CALB2: variants seen among roughly 807,000 people sequenced by gnomAD.
CALB2 encodes calbindin 2.
CALB2 carries 34 observed loss-of-function variants against 45.9 expected under a neutral mutation model. That is an observed-to-expected ratio of 0.74 (90% CI 0.56 to 0.99). The LOEUF (loss-of-function observed/expected upper bound fraction) is 0.99, where lower values mean the gene tolerates loss of function less well. Ranked by LOEUF, CALB2 falls within the 50% of genes least tolerant of loss-of-function variation. The pLI, the probability that CALB2 is intolerant of heterozygous loss-of-function variation, is 0.00. For missense variants in CALB2, 344 were observed against 339.3 expected, an observed-to-expected ratio of 1.01 and a Z score of -0.11; for synonymous variants, 142 against 129.6, an observed-to-expected ratio of 1.10 and a Z score of -0.65.
At chr16:71,384,286 C>T (rs2042537548) in intron 7 of CALB2, 53 bp from the exon 8 acceptor site, 1 of 1,476,658 alleles carries the variant, frequency 6.8e-7, no homozygotes, top group Non-Finnish European at 9.5e-7. Flanking sequence ...CCCTCTCCCG[C>T]TTGCCCTTGC....
chr16:71,378,224 CAAAAA>C (rs957251212), intron 4 of CALB2, among the ~76,000 whole-genome samples: 2 of 151,058 alleles, frequency 1.3e-5, no homozygotes, highest in African/African-American at 4.9e-5. Flanking sequence ...GACTCCGTCT[CAAAAA>C]AAGAAAGAAA....
chr16:71,359,092 G>A (rs2043948464), intron 1 of CALB2, among the ~76,000 whole-genome samples: 1 of 152,150 alleles, frequency 6.6e-6, no homozygotes, highest in Admixed American at 6.5e-5. Context: ...CCCTAACATA[G>A]ATGACCCAGA....
At chr16:71,365,259 A>T (rs982125533) in intron 1 of CALB2, among the ~76,000 whole-genome samples, 6 of 152,162 alleles carry the variant, frequency 3.9e-5, no homozygotes, top group African/African-American at 1.4e-4. Flanking sequence ...TTAACGAGGA[A>T]ATTCTGGTGC....
intron 1 of CALB2, among the ~76,000 whole-genome samples, chr16:71,360,944 A>G (rs1460933420): frequency 1.3e-5 from 2 of 152,146 alleles, no homozygotes; most frequent in African/African-American, 2.4e-5. Context: ...GATGATAGGT[A>G]TAAGTCTCCC....
Position 71,385,609 on chromosome 16 carries a change from G to A in CALB2, c.660G>A (p.Leu220=). ...GCGGCTACATTGACGAGCATGAGCT[G>A]GATGCCCTTTTGAAGGATCTGTACG... ...DRSGYIDEHE[L]DALLKDLYEK... is the part of the protein sequence containing the mutation. The change falls in exon 10 of 11, where the codon CTG becomes CTA. Residue 220 remains leucine (L), a synonymous_variant. Coordinates refer to ENST00000302628, the MANE Select transcript of CALB2 (RefSeq NM_001740.5). The A allele has an allele frequency of 6.2e-7, 1 of 1,614,036 alleles. No homozygotes were observed. The highest frequency in any genetic ancestry group is 8.5e-7 in the Non-Finnish European group (1 of 1,180,014).
Position 71,389,853 on chromosome 16 carries a change from G to GC in CALB2, c.810dup (p.Met271HisfsTer21), listed in dbSNP as rs762994527. ...ACCTGGAGATTGTGCTCTGCAGCGA[G>GC]CCCCCCATGTAAAGTGGGGACGGGG... is the stretch of plus-strand genomic sequence containing the variant. On this transcript the variant is annotated frameshift_variant, in exon 11 of 11. Coordinates refer to ENST00000302628, the MANE Select transcript of CALB2 (RefSeq NM_001740.5). LOFTEE classifies it high-confidence loss of function. 8 of 1,612,590 alleles carry GC rather than the reference G, an allele frequency of 5.0e-6. No individual in the cohort carries two copies. The highest frequency in any genetic ancestry group is 5.9e-6 in the Non-Finnish European group (7 of 1,179,106).
In CALB2 at chr16:71,382,174, G is replaced by A. The variant is rs1210035723; in HGVS notation, c.343-545G>A. On this transcript the variant is annotated intron_variant, in intron 4 of 10. Transcript: ENST00000302628. ...AAGGAAAGAAAATAAAGGAAGGAAGGAACGAAAGAAAAAAGAAAAAAAAAT... is the reference window on the plus strand; with the variant it reads ...AAGGAAAGAAAATAAAGGAAGGAAGAAACGAAAGAAAAAAGAAAAAAAAAT... Among the ~76,000 whole-genome samples, 3 of 141,326 alleles carry A rather than the reference G, an allele frequency of 2.1e-5. 1 individual carries two copies. In the East Asian group the frequency reaches 5.8e-4, roughly 28 times the overall value. 92.7% of individuals were successfully genotyped at this position (141,326 alleles called of 152,430 possible).
Position 71,372,176 on chromosome 16 carries a change from G to T in CALB2, c.118G>T (p.Glu40Ter). ...AGGAAATGGGTATATTGAAGGTAAA[G>T]AGCTAGAAAACTTTTTCCAAGAGCT... ...ADGNGYIEGK[E>*]LENFFQELEK... Residue 40 changes from glutamate to a stop codon, truncating the protein, a stop_gained, in exon 2 of 11, where the codon GAG (glutamate) becomes TAG (stop). Transcript: ENST00000302628. LOFTEE classifies it high-confidence loss of function. 4 of 1,612,172 alleles carry T rather than the reference G, an allele frequency of 2.5e-6. No individual in the cohort carries two copies. Among genetic ancestry groups the T allele is most frequent in the Non-Finnish European group, 3.4e-6 (4 of 1,178,702 alleles).
At chr16:71,366,302 G>C in intron 1 of CALB2, among the ~76,000 whole-genome samples, 1 of 145,694 alleles carries the variant, frequency 6.9e-6, no homozygotes, top group Non-Finnish European at 1.5e-5. Context: ...TGGGATTACA[G>C]GCGTGAGCCA....
intron 4 of CALB2, among the ~76,000 whole-genome samples, chr16:71,378,079 C>T (rs1476819735): frequency 6.6e-6 from 1 of 151,770 alleles, no homozygotes; most frequent in Non-Finnish European, 1.5e-5. Context: ...AAAAAGTTAG[C>T]CTGGCGTGGT....
chr16:71,385,943 C>T (rs1296262372), intron 10 of CALB2, among the ~76,000 whole-genome samples: 1 of 152,190 alleles, frequency 6.6e-6, no homozygotes, highest in African/African-American at 2.4e-5. Flanking sequence ...TAATATTGCA[C>T]ATGCGTGGCC....
chr16:71,364,380 T>G (rs1279028469), intron 1 of CALB2, among the ~76,000 whole-genome samples: 1 of 152,210 alleles, frequency 6.6e-6, no homozygotes, highest in Non-Finnish European at 1.5e-5. Flanking sequence ...GAGGGAGGTT[T>G]CCAGGGCTAA....
chr16:71,383,863 C>A, intron 6 of CALB2, 107 bp from the exon 7 acceptor site: 1 of 1,287,950 alleles, frequency 7.8e-7, no homozygotes, highest in Non-Finnish European at 1.1e-6. Context: ...TCAGAGGAAG[C>A]ATGAGCACGT....
At chr16:71,361,116 C>T (rs1410503718) in intron 1 of CALB2, among the ~76,000 whole-genome samples, 1 of 152,168 alleles carries the variant, frequency 6.6e-6, no homozygotes, top group African/African-American at 2.4e-5. Flanking sequence ...TGGCTCCCTC[C>T]TGCTCCGGGG....
At chr16:71,381,018 C>T (rs1366762253) in intron 4 of CALB2, among the ~76,000 whole-genome samples, 2 of 152,206 alleles carry the variant, frequency 1.3e-5, no homozygotes, top group Non-Finnish European at 2.9e-5. Context: ...TGGCGGGGTG[C>T]ATGGTCGGAA....
At chr16:71,379,013 A>G (rs557962760) in intron 4 of CALB2, among the ~76,000 whole-genome samples, 5 of 152,152 alleles carry the variant, frequency 3.3e-5, no homozygotes, top group Non-Finnish European at 7.3e-5. Flanking sequence ...ACTGTGCCCT[A>G]TGCCTGTAAT....
Position 71,384,122 on chromosome 16 carries a change from C to T in CALB2, c.533+97C>T, listed in dbSNP as rs1015780910. The T allele has an allele frequency of 1.8e-4, 247 of 1,357,198 alleles. 1 individual carries two copies. The highest frequency in any genetic ancestry group is 1.8e-4 in the South Asian group (15 of 85,568). 84.1% of individuals were successfully genotyped at this position (1,357,198 alleles called of 1,614,324 possible). On this transcript the variant is annotated intron_variant, in intron 7 of 10. Coordinates refer to ENST00000302628, the MANE Select transcript of CALB2 (RefSeq NM_001740.5). Reference sequence around the variant, plus strand: ...TCCATTGGTGGGAAAGTGACAGGTGCGGGTGTCAAGAAGCTCAAGACAAAG... The same window carrying T: ...TCCATTGGTGGGAAAGTGACAGGTGTGGGTGTCAAGAAGCTCAAGACAAAG...
chr16:71,365,932 T>G (rs1377351744), intron 1 of CALB2, among the ~76,000 whole-genome samples: 2 of 151,768 alleles, frequency 1.3e-5, no homozygotes, highest in Non-Finnish European at 2.9e-5. Flanking sequence ...CAATGTTGTT[T>G]TCAGATATTC....
chr16:71,389,564 GAA>G lies in CALB2; in HGVS notation c.700-183_700-182del, dbSNP rs747784912. The G allele has an allele frequency of 1.6e-5, 12 of 742,830 alleles. No individual in the cohort carries two copies. The Admixed American group carries it at 2.1e-4, about 13-fold the overall frequency. The allele number at this position is 742,830 out of a possible 1,614,324, so 46.0% of individuals were successfully genotyped here. The stretch of plus-strand genomic sequence containing the variant: ...CCCCAAAGCAATGCAGCCAGTAAGT[GAA>G]AGAGAGGCTTTAACCTCCATCTGTC... On this transcript the variant is annotated intron_variant, in intron 10 of 10. Coordinates refer to ENST00000302628, the MANE Select transcript of CALB2 (RefSeq NM_001740.5).
Sources: gnomAD v4.1 joint callset for allele counts (sites outside exome capture counted in the v4.1 genomes callset) on GRCh38, gnomAD v4.1.1 for gene constraint, MANE v1.5 for transcripts, NCBI Gene and HGNC (gene_info 2026-07-23, HGNC 2026-07-21) for gene names.